RBFOX3: variants seen among roughly 807,000 people sequenced by gnomAD.
RBFOX3 encodes the protein RNA binding fox-1 homolog 3.
In RBFOX3, 17 loss-of-function variants were observed where a neutral mutation model predicts 48.7. The observed-to-expected ratio is 0.35, with a 90% CI of 0.24 to 0.52. RBFOX3 has a LOEUF of 0.52. Among genes scored for constraint, RBFOX3 ranks in the 20% least tolerant of loss-of-function variants. The probability of loss-of-function intolerance (pLI) is 0.94; values close to 1 mark genes in which losing one functional copy is unlikely to be tolerated. For missense variants in RBFOX3, 382 were observed against 497.5 expected (o/e 0.77, Z 2.21); for synonymous variants, 212 against 209.5 (o/e 1.01, Z -0.10).
intron 1 of RBFOX3, among the ~76,000 whole-genome samples, chr17:79,514,463 G>A (rs2084960491): frequency 6.6e-6 from 1 of 152,248 alleles, no homozygotes; most frequent in Admixed American, 6.5e-5. Flanking sequence ...GAGGTCACGG[G>A]TGCGTGGCCT....
intron 2 of RBFOX3, among the ~76,000 whole-genome samples, chr17:79,369,923 G>T (rs1271288698): frequency 6.6e-6 from 1 of 152,160 alleles, no homozygotes; most frequent in Non-Finnish European, 1.5e-5. Flanking sequence ...GTGCAGAGTG[G>T]CCTTGGCTGA....
chr17:79,509,198 C>T lies in RBFOX3; in HGVS notation c.-319-26600G>A, dbSNP rs906343860. On this transcript the variant is annotated intron_variant, in intron 1 of 14. Coordinates refer to ENST00000693108, the MANE Select transcript of RBFOX3 (RefSeq NM_001350451.2). ...GGATCCGGGCAAGGGGCTGCAGAGC[C>T]GGGACACAGCAGGAGGACAGCGGGG... 3.3e-5 allele frequency among the ~76,000 whole-genome samples: 5 copies of T among 152,312 alleles called. No individual in the cohort carries two copies. The East Asian group carries it at 5.8e-4, about 18-fold the overall frequency.
intron 2 of RBFOX3, among the ~76,000 whole-genome samples, chr17:79,476,501 T>C (rs1190059853): frequency 6.6e-6 from 1 of 152,016 alleles, no homozygotes. Context: ...GCCACTGAGG[T>C]CTGTGACATC....
chr17:79,124,149 G>C (rs2036530108), intron 4 of RBFOX3, among the ~76,000 whole-genome samples: 1 of 152,242 alleles, frequency 6.6e-6, no homozygotes, highest in African/African-American at 2.4e-5. Context: ...TGACCACACT[G>C]GGAGTCTGAA....
At chr17:79,352,529 C>G (rs774286701) in intron 2 of RBFOX3, among the ~76,000 whole-genome samples, 3 of 152,198 alleles carry the variant, frequency 2.0e-5, no homozygotes, top group African/African-American at 7.2e-5. Flanking sequence ...TGAGGGAATG[C>G]ATGGTCTCCA....
chr17:79,341,747 C>A (rs1598323809), intron 2 of RBFOX3, among the ~76,000 whole-genome samples: 2 of 152,194 alleles, frequency 1.3e-5, no homozygotes, highest in Admixed American at 1.3e-4. Flanking sequence ...GAGCTCCAGG[C>A]TCCCTGCATA....
intron 4 of RBFOX3, among the ~76,000 whole-genome samples, chr17:79,133,171 G>A (rs1358168750): frequency 6.6e-6 from 1 of 152,180 alleles, no homozygotes; most frequent in Non-Finnish European, 1.5e-5. Context: ...AGGGTGGGGA[G>A]CAAGGGTTCT....
chr17:79,303,916 C>G (rs1457256670), intron 3 of RBFOX3, among the ~76,000 whole-genome samples: 3 of 151,608 alleles, frequency 2.0e-5, no homozygotes, highest in Non-Finnish European at 4.4e-5. Flanking sequence ...TCTGGAGGAC[C>G]TGGGAAAGAC....
intron 2 of RBFOX3, among the ~76,000 whole-genome samples, chr17:79,336,413 T>C (rs1434991844): frequency 2.2e-5 from 2 of 92,286 alleles, no homozygotes; most frequent in East Asian, 5.8e-4. Context: ...AATAAATAAA[T>C]AAATAAAATA....
At chr17:79,541,175 G>GA (rs112200066) in intron 1 of RBFOX3, among the ~76,000 whole-genome samples, 266 of 143,394 alleles carry the variant, frequency 1.9e-3, no homozygotes, top group African/African-American at 3.6e-3. Context: ...TCCAGCACTG[G>GA]AAAAAAAAAA....
intron 4 of RBFOX3, among the ~76,000 whole-genome samples, chr17:79,165,822 G>C (rs2047883229): frequency 6.6e-6 from 1 of 152,202 alleles, no homozygotes; most frequent in South Asian, 2.1e-4. Context: ...GTGCCTACCT[G>C]GATCACCCCA....
intron 4 of RBFOX3, among the ~76,000 whole-genome samples, chr17:79,147,857 G>A (rs953682565): frequency 6.6e-6 from 1 of 152,240 alleles, no homozygotes; most frequent in African/African-American, 2.4e-5. Flanking sequence ...TCATGCTAAT[G>A]ACTGTCAACA....
At position 79,194,753 on chromosome 17, in the gene RBFOX3, G is replaced by GTGTGTGTGTGTGTGTGT. The variant is rs1555599582; in HGVS notation, c.-34+41012_-34+41013insACACACACACACACACA. On this transcript the variant is annotated intron_variant, in intron 4 of 14. Transcript: ENST00000693108. ...AATTGAGACACTCCCTGTGTGTGTG[G>GTGTGTGTGTGTGTGTGT]GTGTGTGTGTGTGTGTGTGTGTGTG... is the stretch of plus-strand genomic sequence containing the variant. Among the ~76,000 whole-genome samples the GTGTGTGTGTGTGTGTGT allele has an allele frequency of 3.8e-4, 56 of 149,118 alleles. 1 individual carries two copies. In the East Asian group the frequency reaches 4.2e-3, roughly 11 times the overall value.
In RBFOX3 at chr17:79,111,393, C is replaced by G. The variant is rs2031423424; in HGVS notation, c.222+4101G>C. On this transcript the variant is annotated intron_variant, in intron 5 of 14. Transcript: ENST00000693108. The surrounding 1 kb of genome is among the most constrained non-coding windows in gnomAD (Gnocchi z 4.2). ...CTCCCTCTACCTGGCTGGCCCTCCA[C>G]AGTGACCCTCCGTGCTTTGTCTGGC... Among the ~76,000 whole-genome samples the G allele has an allele frequency of 6.6e-6, 1 of 152,196 alleles. No individual in the cohort carries two copies. Among genetic ancestry groups the G allele is most frequent in the South Asian group, 2.1e-4 (1 of 4,826 alleles).
intron 1 of RBFOX3, among the ~76,000 whole-genome samples, chr17:79,495,522 G>C (rs1405162844): frequency 5.5e-5 from 3 of 54,410 alleles, no homozygotes; most frequent in East Asian, 8.7e-4. Flanking sequence ...GGAGGTGGGG[G>C]AGGGGTGCAG....
intron 1 of RBFOX3, among the ~76,000 whole-genome samples, chr17:79,608,033 G>A (rs1311140585): frequency 6.6e-6 from 1 of 152,186 alleles, no homozygotes; most frequent in East Asian, 1.9e-4. Flanking sequence ...CCCTCCCCAT[G>A]TCCTCAGCAG....
At chr17:79,118,655 C>A (rs997261034) in intron 4 of RBFOX3, among the ~76,000 whole-genome samples, 5 of 152,058 alleles carry the variant, frequency 3.3e-5, no homozygotes, top group Non-Finnish European at 7.4e-5. Flanking sequence ...ACCCCCTCCT[C>A]CACCTCCTCC....
the RBFOX3 span, among the ~76,000 whole-genome samples, chr17:79,636,216 G>T: frequency 6.6e-6 from 1 of 152,030 alleles, no homozygotes; most frequent in African/African-American, 2.4e-5. Flanking sequence ...AAGATATATT[G>T]TGACCAAAAA....
chr17:79,292,598 A>G (rs892202798), intron 3 of RBFOX3, among the ~76,000 whole-genome samples: 46 of 126,634 alleles, frequency 3.6e-4, no homozygotes, highest in South Asian at 1.1e-3. Context: ...ACACACACAC[A>G]CGCACACACA....
Sources: gnomAD v4.1 joint callset for allele counts (sites outside exome capture counted in the v4.1 genomes callset) on GRCh38, gnomAD v4.1.1 for gene constraint, Gnocchi (gnomAD v3.1) non-coding constraint, MANE v1.5 for transcripts, NCBI Gene and HGNC (gene_info 2026-07-23, HGNC 2026-07-21) for gene names.